The following SMC6 variants were observed in gnomAD, a reference collection of about 807,000 sequenced individuals.
SMC6 encodes the protein structural maintenance of chromosomes protein 6.
In SMC6, 79 loss-of-function variants were observed where a neutral mutation model predicts 142.2. That is an observed-to-expected ratio of 0.56 (90% CI 0.46 to 0.67). The LOEUF (loss-of-function observed/expected upper bound fraction) is 0.67. Among genes scored for constraint, SMC6 ranks in the 30% least tolerant of loss-of-function variants. The pLI is 0.00. For synonymous variants in SMC6, 411 were observed against 412.4 expected (o/e 1.00, Z 0.04); for missense variants, 1,072 against 1,284.0 (o/e 0.83, Z 2.52).
chr2:17,698,424 T>C (rs1473209403), intron 21 of SMC6, among the ~76,000 whole-genome samples: 1 of 152,080 alleles, frequency 6.6e-6, no homozygotes, highest in Non-Finnish European at 1.5e-5. Flanking sequence ...TGCACACATA[T>C]TTAGAATTGC....
chr2:17,720,218 G>A (rs1834619), intron 11 of SMC6, among the ~76,000 whole-genome samples: 16,430 of 152,168 alleles, frequency 0.11, 2,821 homozygotes, highest in East Asian at 0.7. Context: ...CAGAAAGAGT[G>A]AGTATAAAGA....
intron 25 of SMC6, among the ~76,000 whole-genome samples, 163 bp from the exon 26 acceptor site, chr2:17,670,738 TAA>T (rs1666716679): frequency 6.6e-6 from 1 of 152,210 alleles, no homozygotes; most frequent in Non-Finnish European, 1.5e-5. Flanking sequence ...AATTTTACAG[TAA>T]AACAGTTATA....
intron 4 of SMC6, among the ~76,000 whole-genome samples, chr2:17,741,282 T>TAC (rs1670459955): frequency 6.6e-6 from 1 of 152,228 alleles, no homozygotes; most frequent in African/African-American, 2.4e-5. Context: ...TTTGTGCTCT[T>TAC]ACAATGTTTA....
chr2:17,730,439 A>G (rs577458958), intron 7 of SMC6, among the ~76,000 whole-genome samples: 1 of 152,038 alleles, frequency 6.6e-6, no homozygotes, highest in South Asian at 2.1e-4. Context: ...AGTTTAGGGA[A>G]CAATGATGCT....
At chr2:17,742,428 A>G (rs1376451114) in intron 3 of SMC6, among the ~76,000 whole-genome samples, 1 of 152,216 alleles carries the variant, frequency 6.6e-6, no homozygotes, top group Non-Finnish European at 1.5e-5. Context: ...AACAGGAATA[A>G]TATTTCCTAT....
chr2:17,719,613 T>C (rs1473953594), intron 11 of SMC6, among the ~76,000 whole-genome samples: 1 of 152,112 alleles, frequency 6.6e-6, no homozygotes, highest in Admixed American at 6.6e-5. Flanking sequence ...AGGAGGAAAG[T>C]ATTTAAGGCC....
chr2:17,669,365 A>G (rs1666650280), intron 26 of SMC6, among the ~76,000 whole-genome samples: 1 of 152,166 alleles, frequency 6.6e-6, no homozygotes, highest in Non-Finnish European at 1.5e-5. Context: ...ATGTGGTGCT[A>G]TGAGTTGATA....
At chr2:17,697,958 A>T (rs1668089110) in intron 21 of SMC6, among the ~76,000 whole-genome samples, 2 of 152,222 alleles carry the variant, frequency 1.3e-5, no homozygotes, top group South Asian at 4.1e-4. Flanking sequence ...TAGGCAATAA[A>T]AAGTAATAAA....
chr2:17,676,897 C>G (rs1667015762), intron 25 of SMC6, among the ~76,000 whole-genome samples: 1 of 152,126 alleles, frequency 6.6e-6, no homozygotes, highest in Admixed American at 6.6e-5. Context: ...CTGATTGTGT[C>G]TGCAACCTTG....
chr2:17,704,799 G>A (rs1037069784), intron 18 of SMC6, among the ~76,000 whole-genome samples: 3 of 152,064 alleles, frequency 2.0e-5, no homozygotes, highest in Non-Finnish European at 4.4e-5. Context: ...AATGTTAGCT[G>A]AATAAATGAT....
At position 17,745,958 on chromosome 2, in the gene SMC6, A is replaced by C; in HGVS notation, c.-5-7T>G. On this transcript the variant is annotated splice_region_variant and splice_polypyrimidine_tract_variant and intron_variant, in intron 2 of 27. Transcript: ENST00000448223. ...TTTCTTTTGGCCATCAGGTCTGAAC[A>C]AATATTTATAGTAACAATGAGGTAA... is the stretch of plus-strand genomic sequence containing the variant. The C allele has an allele frequency of 6.3e-7, 1 of 1,586,306 alleles. No individual in the cohort carries two copies. Among genetic ancestry groups the C allele is most frequent in the Non-Finnish European group, 8.6e-7 (1 of 1,167,698 alleles).
chr2:17,740,712 AG>A (rs768414446), intron 4 of SMC6: 12 of 445,426 alleles, frequency 2.7e-5, no homozygotes, highest in African/African-American at 2.0e-4. Flanking sequence ...AAAATTAGCC[AG>A]GCTTGAAGGC....
chr2:17,672,701 C>T lies in SMC6; in HGVS notation c.2911-2126G>A, dbSNP rs376094305. ...TGTACATATACTTCAGATTTATATA[C>T]ACTATGTACATCCTTGTAACTGGCT... is the stretch of plus-strand genomic sequence containing the variant. On this transcript the variant is annotated intron_variant, in intron 25 of 27. Transcript: ENST00000448223. Among the ~76,000 whole-genome samples the T allele has an allele frequency of 1.1e-4, 17 of 152,162 alleles. 1 individual carries two copies. The East Asian group carries it at 1.7e-3, about 15-fold the overall frequency.
At chr2:17,690,552 C>G (rs1225975682) in intron 23 of SMC6, among the ~76,000 whole-genome samples, 2 of 151,996 alleles carry the variant, frequency 1.3e-5, no homozygotes, top group Admixed American at 1.3e-4. Flanking sequence ...CAAGATTGCA[C>G]CACTGCACTC....
At chr2:17,750,361 A>T (rs1434744527) in intron 2 of SMC6, among the ~76,000 whole-genome samples, 1 of 152,238 alleles carries the variant, frequency 6.6e-6, no homozygotes, top group African/African-American at 2.4e-5. Flanking sequence ...TCTGCTGAAT[A>T]ACTACATACT....
At chr2:17,738,887 G>A (rs1340322250) in intron 4 of SMC6, among the ~76,000 whole-genome samples, 1 of 151,966 alleles carries the variant, frequency 6.6e-6, no homozygotes, top group Admixed American at 6.6e-5. Context: ...GTTCTCAAGC[G>A]ATCCTCCTGC....
At position 17,717,394 on chromosome 2, in the gene SMC6, A is replaced by G. The variant is rs375906381; in HGVS notation, c.1093-218T>C. Among the ~76,000 whole-genome samples the G allele has an allele frequency of 3.9e-5, 6 of 152,194 alleles. No homozygotes were observed. The South Asian group carries it at 1.2e-3, about 31-fold the overall frequency. ...TCTCTACTTTAAAAAATAGAAGGCC[A>G]GGTGCTGTGGCTCACGCCTGTAATC... On this transcript the variant is annotated intron_variant, in intron 12 of 27. Coordinates refer to ENST00000448223, the MANE Select transcript of SMC6 (RefSeq NM_001142286.2).
chr2:17,722,641 G>A (rs1246153626), intron 9 of SMC6, among the ~76,000 whole-genome samples: 3 of 152,116 alleles, frequency 2.0e-5, no homozygotes, highest in Non-Finnish European at 4.4e-5. Flanking sequence ...CATCTATGAA[G>A]ATTATGTCAT....
chr2:17,692,657 TG>T lies in SMC6; in HGVS notation c.2678+2494del, dbSNP rs573672097. On this transcript the variant is annotated intron_variant, in intron 23 of 27. Coordinates refer to ENST00000448223, the MANE Select transcript of SMC6 (RefSeq NM_001142286.2). The stretch of plus-strand genomic sequence containing the variant: ...GACATAGGCATGGGCAAGGACTTCA[TG>T]TCTAAAACACCAAAAGCAATGGCAA... Among the ~76,000 whole-genome samples, 297 of 152,330 alleles carry T rather than the reference TG, an allele frequency of 1.9e-3. 3 individuals are homozygous for T. The highest frequency in any genetic ancestry group is 3.4e-3 in the Middle Eastern group (1 of 294).
Sources: gnomAD v4.1 joint callset for allele counts (sites outside exome capture counted in the v4.1 genomes callset) on GRCh38, gnomAD v4.1.1 for gene constraint, MANE v1.5 for transcripts, NCBI Gene and HGNC (gene_info 2026-07-23, HGNC 2026-07-21) for gene names.